The following GPS2 variants were observed in gnomAD, a reference collection of about 807,000 sequenced individuals.
GPS2 encodes GPS-2.
A neutral mutation model predicts 48.1 loss-of-function variants in GPS2; 22 were observed. That is an observed-to-expected ratio of 0.46 (90% CI 0.33 to 0.65). The LOEUF is 0.65. Ranked by LOEUF, GPS2 falls within the 30% of genes least tolerant of loss-of-function variation. The probability of loss-of-function intolerance (pLI) is 0.03; values close to 1 mark genes in which losing one functional copy is unlikely to be tolerated. For missense variants in GPS2, 366 were observed against 406.8 expected (o/e 0.90, Z 0.86); for synonymous variants, 202 against 142.5 (o/e 1.42, Z -2.98).
At chr17:7,312,919 C>A (rs566702745) in intron 10 of GPS2, 80 bp from the exon 11 acceptor site, 28 of 1,498,934 alleles carry the variant, frequency 1.9e-5, no homozygotes, top group Admixed American at 1.4e-4. Flanking sequence ...TAACCACCCC[C>A]AAAGAGGAAG....
intron 5 of GPS2, 35 bp downstream of exon 5, chr17:7,314,045 G>A (rs752747060): frequency 3.7e-6 from 6 of 1,609,782 alleles, no homozygotes; most frequent in Middle Eastern, 1.7e-4. Context: ...CCTCCAAGAA[G>A]GCCGGTTCCA....
At chr17:7,312,935 A>G (rs2072881066) in intron 10 of GPS2, 94 bp downstream of exon 10, 2 of 1,478,510 alleles carry the variant, frequency 1.4e-6, no homozygotes, top group Admixed American at 3.4e-5. Context: ...GGAAGGAAAA[A>G]CCAGATGATG....
Position 7,313,112 on chromosome 17 carries a change from G to A in GPS2, c.817C>T (p.Pro273Ser), listed in dbSNP as rs2072884703. The A allele has an allele frequency of 6.3e-7, 1 of 1,592,908 alleles. No individual in the cohort carries two copies. Among genetic ancestry groups the A allele is most frequent in the African/African-American group, 1.3e-5 (1 of 74,704 alleles). Reference sequence around the variant, plus strand: ...GGATGCAGAGCCTGGGGGTGCATGGGGCGCAGAGAGGACTGCAGAGAACAG... The same window carrying A: ...GGATGCAGAGCCTGGGGGTGCATGGAGCGCAGAGAGGACTGCAGAGAACAG... Reference protein sequence around the residue: ...TGFSDSSSLRPMHPQALHPAP... With the variant: ...TGFSDSSSLRSMHPQALHPAP... Residue 273 changes from proline to serine, a missense_variant, in exon 10 of 11, where the codon CCC becomes TCC. By Grantham distance (74) the Pro-to-Ser change is moderately conservative. Around this residue, in one of 3 missense-constraint regions of GPS2, gnomAD observed 275 missense variants for 282.3 expected, o/e 0.97. Transcript: ENST00000380728.
At position 7,314,344 on chromosome 17, in the gene GPS2, C is replaced by T. The variant is rs751951805; in HGVS notation, c.264G>A (p.Leu88=). ...ALQEEKHQLF[L]QLKKVLHEEE... ...CCTCATGTAAAACTTTCTTGAGCTG[C>T]AGGAAAAGCTGGTGCTTCTCTTCCT... Residue 88 remains leucine, a synonymous_variant, in exon 4 of 11, where the codon CTG becomes CTA. Coordinates refer to ENST00000380728, the MANE Select transcript of GPS2 (RefSeq NM_004489.5). 2.5e-6 allele frequency: 4 copies of T among 1,614,056 alleles called. No homozygotes were observed. Among genetic ancestry groups the T allele is most frequent in the Middle Eastern group, 1.6e-4 (1 of 6,082 alleles).
At position 7,313,379 on chromosome 17, in the gene GPS2, CCTGT is replaced by C. The variant is rs1300802344; in HGVS notation, c.721_724del (p.Thr241ValfsTer103). The C allele has an allele frequency of 2.5e-6, 4 of 1,613,814 alleles. No individual in the cohort carries two copies. The highest frequency in any genetic ancestry group is 2.5e-6 in the Non-Finnish European group (3 of 1,179,832). ...AGAGCTCCTGCATGGGATGTTATCA[CCTGT>C]CTGAGTGGGCTGAAAGTGGCCATGC... On this transcript the variant is annotated frameshift_variant and splice_region_variant, in exon 8 of 11. Transcript: ENST00000380728. LOFTEE classifies it high-confidence loss of function.
rs73977634 is a variant in GPS2 at position 7,314,448 on chromosome 17, C to T, written c.204+40G>A. 1.1e-3 allele frequency: 1,815 copies of T among 1,614,066 alleles called. 16 individuals carry two copies. The African/African-American group carries it at 0.022, about 19-fold the overall frequency. ...GAAGATGAAGGCAGGGAGAGTCAAA[C>T]GAAGAAATCAAAGCTGGGAAAGTTC... On this transcript the variant is annotated intron_variant, in intron 3 of 10. Transcript: ENST00000380728.
chr17:7,313,646 C>T lies in GPS2; in HGVS notation c.556G>A (p.Gly186Ser). The T allele has an allele frequency of 6.2e-7, 1 of 1,614,142 alleles. No individual in the cohort carries two copies. The highest frequency in any genetic ancestry group is 8.5e-7 in the Non-Finnish European group (1 of 1,180,008). Residue 186 changes from glycine to serine, a missense_variant, in exon 7 of 11, where the codon GGT becomes AGT. By Grantham distance (56) the Gly-to-Ser change is moderately conservative. Around this residue, in one of 3 missense-constraint regions of GPS2, gnomAD observed 275 missense variants for 282.3 expected, o/e 0.97. Transcript: ENST00000380728. ...EHGQFQGSPGGAYGTAQPPPH... is the reference protein window; with the variant it reads ...EHGQFQGSPGSAYGTAQPPPH... ...GGGGGCTGAGCAGTCCCATAGGCACCACCAGGACTGCCTTGGAATTGTCCA... is the reference window on the plus strand; with the variant it reads ...GGGGGCTGAGCAGTCCCATAGGCACTACCAGGACTGCCTTGGAATTGTCCA...
Position 7,313,298 on chromosome 17 carries a change from G to GT in GPS2, c.725-8_725-7insA. 6.2e-7 allele frequency: 1 copy of GT among 1,613,510 alleles called. No homozygotes were observed. The highest frequency in any genetic ancestry group is 8.5e-7 in the Non-Finnish European group (1 of 1,179,470). On this transcript the variant is annotated splice_polypyrimidine_tract_variant and splice_region_variant and intron_variant, in intron 8 of 10. Coordinates refer to ENST00000380728, the MANE Select transcript of GPS2 (RefSeq NM_004489.5). ...CCACCAGGCTGGAGGAAACCTAGGT[G>GT]GGGAAGAGGGGCATGTGAGATGAGA...
In GPS2 at chr17:7,314,163, G is replaced by C. The variant is rs2072905043; in HGVS notation, c.318-4C>G. ...TGATGTTAGGGTGGTCAGGTCACTG[G>C]AGTGAAAGGAAGACAGGTCAAAGTC... On this transcript the variant is annotated splice_polypyrimidine_tract_variant and splice_region_variant and intron_variant, in intron 4 of 10. Coordinates refer to ENST00000380728, the MANE Select transcript of GPS2 (RefSeq NM_004489.5). 2 of 1,611,526 alleles carry C rather than the reference G, an allele frequency of 1.2e-6. No individual in the cohort carries two copies. Among genetic ancestry groups the C allele is most frequent in the Non-Finnish European group, 1.7e-6 (2 of 1,178,688 alleles).
Position 7,315,058 on chromosome 17 carries a change from T to C in GPS2, c.-6A>G, listed in dbSNP as rs773753352. ...CGCTCCAGGAGTGCGGGCATGGTGC[T>C]GCCGTGGGCGCTCGGGCCGTGGGCG... is the stretch of plus-strand genomic sequence containing the variant. On this transcript the variant is annotated 5_prime_UTR_variant, in exon 2 of 11. Transcript: ENST00000380728. 2 of 1,584,064 alleles carry C rather than the reference T, an allele frequency of 1.3e-6. No homozygotes were observed. The highest frequency in any genetic ancestry group is 1.7e-6 in the Non-Finnish European group (2 of 1,166,646).
rs1567616291 is a variant in GPS2 at position 7,314,555 on chromosome 17, TC to T, written c.136del (p.Glu46LysfsTer17). Reference protein sequence around the residue: ...VDKMMEQKMKEEQERRKKKEM... With the variant: ...VDKMMEQKMKXEQERRKKKEM... ...CTTTTTCTTCCTTCTCTCCTGTTCT[TC>T]CTTCATCTTCTGTTCCATCATCTTA... On this transcript the variant is annotated frameshift_variant, in exon 3 of 11. Coordinates refer to ENST00000380728, the MANE Select transcript of GPS2 (RefSeq NM_004489.5). LOFTEE classifies it high-confidence loss of function. 6.2e-7 allele frequency: 1 copy of T among 1,613,682 alleles called. No individual in the cohort carries two copies. The highest frequency in any genetic ancestry group is 8.5e-7 in the Non-Finnish European group (1 of 1,179,536).
At chr17:7,313,525 T>A (rs754444805) in intron 7 of GPS2, 43 bp downstream of exon 7, 2 of 1,613,434 alleles carry the variant, frequency 1.2e-6, no homozygotes, top group East Asian at 4.5e-5. Flanking sequence ...CATTCCTCCT[T>A]TGACCTTGAG....
intron 4 of GPS2, 60 bp from the exon 5 acceptor site, chr17:7,314,219 AC>A: frequency 1.3e-6 from 2 of 1,594,528 alleles, no homozygotes; most frequent in Non-Finnish European, 1.7e-6. Context: ...TTGCCATTAA[AC>A]ACTGGTTCTT....
At chr17:7,314,823 CCCA>C (rs2072916060) in intron 2 of GPS2, 133 bp downstream of exon 2, 8 of 1,290,838 alleles carry the variant, frequency 6.2e-6, no homozygotes, top group African/African-American at 4.4e-5. Context: ...ACGCTTAAAT[CCCA>C]CCACAACGGG....
At chr17:7,313,168 C>A (rs772518884) in intron 9 of GPS2, 44 bp from the exon 10 acceptor site, 1 of 1,609,438 alleles carries the variant, frequency 6.2e-7, no homozygotes. Context: ...TGAAGCTCCC[C>A]TTAACATATC....
chr17:7,313,364 C>T lies in GPS2; in HGVS notation c.724+16G>A. ...GAGGACCTGAGAGCTAGAGCTCCTGCATGGGATGTTATCACCTGTCTGAGT... is the reference window on the plus strand; with the variant it reads ...GAGGACCTGAGAGCTAGAGCTCCTGTATGGGATGTTATCACCTGTCTGAGT... On this transcript the variant is annotated intron_variant, in intron 8 of 10. Transcript: ENST00000380728. The T allele has an allele frequency of 1.2e-6, 2 of 1,613,240 alleles. No homozygotes were observed. The highest frequency in any genetic ancestry group is 1.6e-4 in the Middle Eastern group (1 of 6,062).
In GPS2 at chr17:7,314,275, A is replaced by G; in HGVS notation, c.317+16T>C. 6.2e-7 allele frequency: 1 copy of G among 1,612,314 alleles called. No homozygotes were observed. The highest frequency in any genetic ancestry group is 8.5e-7 in the Non-Finnish European group (1 of 1,178,372). On this transcript the variant is annotated intron_variant, in intron 4 of 10. Transcript: ENST00000380728. ...CCACTTGGCCCCCATTTCAGTTTTT[A>G]GCACTCTGATCCCACCTCTGTTCCT...
intron 10 of GPS2, 67 bp from the exon 11 acceptor site, chr17:7,312,906 T>C (rs754507140): frequency 1.7e-5 from 25 of 1,512,066 alleles, no homozygotes; most frequent in Non-Finnish European, 2.3e-5. Flanking sequence ...AATACCCTAC[T>C]GATAACCACC....
In GPS2 at chr17:7,313,561, TACTC is replaced by T; in HGVS notation, c.634+3_634+6del. The T allele has an allele frequency of 6.2e-6, 10 of 1,613,730 alleles. No homozygotes were observed. The highest frequency in any genetic ancestry group is 1.3e-5 in the African/African-American group (1 of 75,020). On this transcript the variant is annotated splice_donor_5th_base_variant and intron_variant, in intron 7 of 10. Coordinates refer to ENST00000380728, the MANE Select transcript of GPS2 (RefSeq NM_004489.5). ...GAAGGCCAAGCCCCATCCCTCCTAT[TACTC>T]ACCTCTGAGCTGCTGACTAGGACTA...
Sources: gnomAD v4.1 joint callset for allele counts on GRCh38, gnomAD v4.1.1 for gene constraint, gnomAD v4.1.1 regional missense constraint, MANE v1.5 for transcripts, NCBI Gene and HGNC (gene_info 2026-07-23, HGNC 2026-07-21) for gene names.